The following GREB1 variants were observed in gnomAD, a reference collection of about 807,000 sequenced individuals.
The protein encoded by GREB1 is protein GREB1.
In GREB1, 106 loss-of-function variants were observed where a neutral mutation model predicts 200.7. The ratio of observed to expected loss-of-function variants is 0.53; its 90% CI spans 0.45 to 0.62. The LOEUF is 0.62. Among genes scored for constraint, GREB1 ranks in the 20% least tolerant of loss-of-function variants. The probability of loss-of-function intolerance (pLI) is 0.00; values close to 1 mark genes in which losing one functional copy is unlikely to be tolerated. For missense variants in GREB1, 2,243 were observed against 2,556.8 expected (o/e 0.88, Z 2.65); for synonymous variants, 1,132 against 1,092.4 (o/e 1.04, Z -0.72).
intron 21 of GREB1, 28 bp from the exon 22 acceptor site, chr2:11,618,260 G>GGTCACTCCTGGGATGGGCCAC (rs1395485680): frequency 6.6e-7 from 1 of 1,513,606 alleles, no homozygotes; most frequent in Non-Finnish European, 8.9e-7. Flanking sequence ...CTTCTAGGAC[G>GGTCACTCCTGGGATGGGCCAC]TCCCTGACCA....
Position 11,626,947 on chromosome 2 carries a change from G to A in GREB1, c.4307-15G>A, listed in dbSNP as rs765297672. 6 of 1,613,872 alleles carry A rather than the reference G, an allele frequency of 3.7e-6. No homozygotes were observed. The African/African-American group carries it at 8.0e-5, about 22-fold the overall frequency. On this transcript the variant is annotated splice_polypyrimidine_tract_variant and intron_variant, in intron 24 of 32. Coordinates refer to ENST00000381486, the MANE Select transcript of GREB1 (RefSeq NM_014668.4). ...TGCTCCCTGCTGCTTTTTAATCCTG[G>A]GGAATTTGGTGCAGACAGAGGGATG... is the stretch of plus-strand genomic sequence containing the variant.
intron 1 of GREB1, among the ~76,000 whole-genome samples, chr2:11,518,138 GT>G (rs1673573053): frequency 6.6e-6 from 1 of 152,184 alleles, no homozygotes; most frequent in Non-Finnish European, 1.5e-5. Flanking sequence ...TTAGGCAATA[GT>G]TTTCTTTTAT....
At chr2:11,515,875 A>G (rs1673480941) in intron 1 of GREB1, among the ~76,000 whole-genome samples, 1 of 152,204 alleles carries the variant, frequency 6.6e-6, no homozygotes, top group Non-Finnish European at 1.5e-5. Context: ...CACCTACTCC[A>G]GGCTTTGTGC....
intron 19 of GREB1, among the ~76,000 whole-genome samples, chr2:11,613,245 G>C (rs1327013909): frequency 6.6e-6 from 1 of 152,144 alleles, no homozygotes; most frequent in Non-Finnish European, 1.5e-5. Flanking sequence ...TCGAGACTCA[G>C]GTCCCTGGGC....
intron 1 of GREB1, among the ~76,000 whole-genome samples, chr2:11,518,541 G>A (rs1188268498): frequency 1.3e-5 from 2 of 151,894 alleles, no homozygotes; most frequent in African/African-American, 2.4e-5. Flanking sequence ...TAGGGGGTGG[G>A]GGTGTGTGGC....
At chr2:11,542,411 G>T (rs983639231) in intron 1 of GREB1, among the ~76,000 whole-genome samples, 1 of 152,080 alleles carries the variant, frequency 6.6e-6, no homozygotes, top group Non-Finnish European at 1.5e-5. Flanking sequence ...GGGATCATCG[G>T]CAGAGTCAAT....
intron 1 of GREB1, among the ~76,000 whole-genome samples, chr2:11,526,379 A>G (rs930640243): frequency 1.3e-5 from 2 of 152,160 alleles, no homozygotes; most frequent in East Asian, 3.8e-4. Context: ...ACTACTTACT[A>G]GTTATGTGAT....
At chr2:11,631,284 C>T (rs1220691332) in intron 26 of GREB1, among the ~76,000 whole-genome samples, 1 of 152,110 alleles carries the variant, frequency 6.6e-6, no homozygotes, top group Non-Finnish European at 1.5e-5. Context: ...ATATAACAAC[C>T]CGAGTGGATA....
rs1207856505 is a variant in GREB1, at chr2:11,630,145, T to C, written c.4611+36T>C. 4 of 1,606,182 alleles carry C rather than the reference T, an allele frequency of 2.5e-6. No individual in the cohort carries two copies. In the African/African-American group the frequency reaches 5.3e-5, roughly 21 times the overall value. ...AGAGACCTAGTGGGACAGATCCAAG[T>C]GGCTTCAACTGGGGACTGAGCCGGG... On this transcript the variant is annotated intron_variant, in intron 26 of 32. Transcript: ENST00000381486.
At chr2:11,561,366 T>C (rs1387080328) in intron 2 of GREB1, 1 of 150,646 alleles carries the variant, frequency 6.6e-6, no homozygotes, top group Non-Finnish European at 1.5e-5. Flanking sequence ...GGGATATTTT[T>C]TTTTTTTTTT....
rs932814967 is a variant in GREB1 at position 11,493,692 on chromosome 2, AT to A, written c.-159+11318del. On this transcript the variant is annotated intron_variant, in intron 1 of 2. Transcript: ENST00000628795. This position sits in a 1 kb window ranked among gnomAD's most constrained non-coding sequence, Gnocchi z 4.6. Reference sequence around the variant, plus strand: ...GCAACCTTATGTTTTTGAAGGTTGCATTTTTTTCCCCAAAATTTTAGAGAGC... The same window carrying A: ...GCAACCTTATGTTTTTGAAGGTTGCATTTTTTCCCCAAAATTTTAGAGAGC... Among the ~76,000 whole-genome samples, 22 of 152,218 alleles carry A rather than the reference AT, an allele frequency of 1.4e-4. No homozygotes were observed. The highest frequency in any genetic ancestry group is 5.1e-4 in the African/African-American group (21 of 41,530).
At chr2:11,622,484 A>G (rs2148378251) in intron 23 of GREB1, among the ~76,000 whole-genome samples, 2 of 152,300 alleles carry the variant, frequency 1.3e-5, no homozygotes, top group Middle Eastern at 3.4e-3. Context: ...TATAATCAAC[A>G]TGTTTTATAA....
chr2:11,587,741 A>ACACACACACACACACACACGCGCGCG lies in GREB1; in HGVS notation c.1160-1004_1160-1003insACACACACACACACACACGCGCGCGC. ...CACACACACACACACACACACACACACGCCACCTTTGGGAGCTCAGCAGCC... is the reference window on the plus strand; with the variant it reads ...CACACACACACACACACACACACACACACACACACACACACACACGCGCGCGCGCCACCTTTGGGAGCTCAGCAGCC... On this transcript the variant is annotated intron_variant, in intron 9 of 32. Coordinates refer to ENST00000381486, the MANE Select transcript of GREB1 (RefSeq NM_014668.4). 9.0e-4 allele frequency: 706 copies of ACACACACACACACACACACGCGCGCG among 788,380 alleles called. 27 individuals carry two copies. Among genetic ancestry groups the ACACACACACACACACACACGCGCGCG allele is most frequent in the Admixed American group, 3.3e-3 (57 of 17,114 alleles). The allele number at this position is 788,380 out of a possible 1,614,324, so 48.8% of individuals were successfully genotyped here.
In GREB1 at chr2:11,603,249, G is replaced by A. The variant is rs570334390; in HGVS notation, c.2666+707G>A. Among the ~76,000 whole-genome samples the A allele has an allele frequency of 1.3e-4, 20 of 152,306 alleles. No individual in the cohort carries two copies. The East Asian group carries it at 2.1e-3, about 16-fold the overall frequency. On this transcript the variant is annotated intron_variant, in intron 17 of 32. Coordinates refer to ENST00000381486, the MANE Select transcript of GREB1 (RefSeq NM_014668.4). ...TAAAGCCAGGCCAAGTTTTATAGAC[G>A]ATCTAATGCAAAGCAAAATGCCACT...
chr2:11,527,384 A>C (rs1044612744), intron 1 of GREB1, among the ~76,000 whole-genome samples: 1 of 152,234 alleles, frequency 6.6e-6, no homozygotes, highest in African/African-American at 2.4e-5. Context: ...AGTGGACTTA[A>C]TTTGTTAGGA....
intron 4 of GREB1, among the ~76,000 whole-genome samples, chr2:11,569,136 T>C (rs774805798): frequency 2.2e-4 from 33 of 152,158 alleles, no homozygotes; most frequent in Non-Finnish European, 4.6e-4. Flanking sequence ...TGTGTTTCAG[T>C]TTATTGCCCG....
At chr2:11,631,370 A>G (rs76187647) in intron 26 of GREB1, among the ~76,000 whole-genome samples, 4,874 of 152,336 alleles carry the variant, frequency 0.032, 125 homozygotes, top group Non-Finnish European at 0.044. Context: ...TACAAGAATA[A>G]TGTGTGCTCT....
chr2:11,635,158 C>T (rs985252432), intron 29 of GREB1, 112 bp from the exon 30 acceptor site: 1 of 1,285,506 alleles, frequency 7.8e-7, no homozygotes, highest in Non-Finnish European at 1.1e-6. Flanking sequence ...ATGAAGCCCA[C>T]TCCACCTTCA....
intron 1 of GREB1, among the ~76,000 whole-genome samples, chr2:11,539,017 C>CT (rs1674521664): frequency 1.2e-5 from 1 of 80,566 alleles, no homozygotes; most frequent in Admixed American, 1.4e-4. Context: ...CCTTCTCCTC[C>CT]CTTCTCTTCT....
Sources: allele counts gnomAD v4.1 joint callset (sites outside exome capture counted in the v4.1 genomes callset), GRCh38; gene constraint gnomAD v4.1.1; non-coding constraint Gnocchi (gnomAD v3.1); transcripts MANE v1.5; gene names NCBI Gene and HGNC (gene_info 2026-07-23, HGNC 2026-07-21).